The following DENND2B variants were observed in gnomAD, a reference collection of about 807,000 sequenced individuals.
DENND2B encodes the protein DENN domain-containing protein 2B.
Under a neutral mutation model 116.0 loss-of-function variants are expected in DENND2B, and 32 were observed. The ratio of observed to expected loss-of-function variants is 0.28; its 90% CI spans 0.21 to 0.37. The LOEUF (loss-of-function observed/expected upper bound fraction) is 0.37. DENND2B is among the 10% of genes least tolerant of loss of function. The pLI, the probability that DENND2B is intolerant of heterozygous loss-of-function variation, is 1.00. For synonymous variants in DENND2B, 588 were observed against 583.9 expected (o/e 1.01, Z -0.10); for missense variants, 1,276 against 1,477.7 (o/e 0.86, Z 2.24).
chr11:8,846,113 C>G (rs991691920), intron 3 of DENND2B, among the ~76,000 whole-genome samples: 1 of 152,158 alleles, frequency 6.6e-6, no homozygotes, highest in Admixed American at 6.5e-5. Context: ...GCAACACAGA[C>G]AGGGACGTGC....
intron 1 of DENND2B, chr11:8,756,940 A>G (rs1225712440): frequency 1.2e-5 from 5 of 428,518 alleles, no homozygotes; most frequent in Admixed American, 5.3e-5. Context: ...AAATTGTTCA[A>G]TTAGCATATA....
In DENND2B at chr11:8,748,132, G is replaced by A. The variant is rs368981796; in HGVS notation, c.80+2489C>T. ...TGTGGAAGTCCCCGACGTAGCCAAA[G>A]TGTCAAAGGCCCAGCTTTCCAAGGC... is the stretch of plus-strand genomic sequence containing the variant. On this transcript the variant is annotated intron_variant, in intron 2 of 19. Coordinates refer to ENST00000313726, the MANE Select transcript of DENND2B (RefSeq NM_213618.2). Among the ~76,000 whole-genome samples the A allele has an allele frequency of 1.3e-3, 203 of 152,258 alleles. 1 individual carries two copies. Among genetic ancestry groups the A allele is most frequent in the South Asian group, 9.1e-3 (44 of 4,824 alleles).
chr11:8,730,946 T>C lies in DENND2B; in HGVS notation c.344A>G (p.Lys115Arg), dbSNP rs1565763875. ...SPSACKRDAQ[K>R]ESVQGAAQDV... ...CTGGGCTGCGCCTTGGACACTTTCC[T>C]TTTGGGCGTCTCTCTTGCACGCCGA... Residue 115 changes from lysine to arginine, a missense_variant, in exon 3 of 20, where the codon AAG (lysine) becomes AGG (arginine). By Grantham distance (26) the Lys-to-Arg change is conservative (BLOSUM62 2). Transcript: ENST00000313726. This position sits in a 1 kb window ranked among gnomAD's most constrained non-coding sequence, Gnocchi z 4.1. The C allele has an allele frequency of 6.2e-7, 1 of 1,614,212 alleles. No individual in the cohort carries two copies. The highest frequency in any genetic ancestry group is 1.7e-5 in the Admixed American group (1 of 60,032).
chr11:8,843,298 G>A (rs538097585), intron 3 of DENND2B, among the ~76,000 whole-genome samples: 8 of 152,182 alleles, frequency 5.3e-5, no homozygotes, highest in East Asian at 1.9e-4. Flanking sequence ...GCGAGCCACC[G>A]TGCCCGGCCG....
intron 13 of DENND2B, among the ~76,000 whole-genome samples, chr11:8,705,692 C>T (rs2042480458): frequency 6.6e-6 from 1 of 152,240 alleles, no homozygotes; most frequent in African/African-American, 2.4e-5. Context: ...TACATGGCTC[C>T]ATCATCTACC....
chr11:8,721,181 G>T (rs1363222753), intron 4 of DENND2B, among the ~76,000 whole-genome samples: 1 of 151,594 alleles, frequency 6.6e-6, no homozygotes, highest in Non-Finnish European at 1.5e-5. Flanking sequence ...TCTAAAAGGG[G>T]ATTATCAGAG....
intron 2 of DENND2B, among the ~76,000 whole-genome samples, chr11:8,878,703 G>A (rs1273534996): frequency 1.3e-5 from 2 of 152,148 alleles, no homozygotes; most frequent in African/African-American, 4.8e-5. Context: ...TTTAAATGTG[G>A]TGTATCTATA....
intron 3 of DENND2B, among the ~76,000 whole-genome samples, chr11:8,851,824 T>C (rs891966563): frequency 2.0e-5 from 3 of 152,210 alleles, no homozygotes; most frequent in African/African-American, 7.2e-5. Context: ...CATATATATT[T>C]TGGTATATAT....
chr11:8,824,330 T>C (rs891839380), intron 4 of DENND2B, among the ~76,000 whole-genome samples: 1 of 152,154 alleles, frequency 6.6e-6, no homozygotes, highest in African/African-American at 2.4e-5. Flanking sequence ...TTAGTATTTT[T>C]CCTGATCCTC....
At chr11:8,803,899 G>A (rs1362387207) in intron 1 of DENND2B, among the ~76,000 whole-genome samples, 1 of 152,184 alleles carries the variant, frequency 6.6e-6, no homozygotes, top group South Asian at 2.1e-4. Flanking sequence ...GGGTAAGGAG[G>A]GCTGAGGCAG....
At position 8,717,876 on chromosome 11, in the gene DENND2B, C is replaced by T. The variant is rs143328275; in HGVS notation, c.1494G>A (p.Glu498=). The T allele has an allele frequency of 4.3e-6, 7 of 1,610,146 alleles. No homozygotes were observed. Among genetic ancestry groups the T allele is most frequent in the Non-Finnish European group, 5.9e-6 (7 of 1,178,242 alleles). ...YEDIVGDLPK[E]NPYEDVDLKS... is the part of the protein sequence containing the mutation. Reference sequence around the variant, plus strand: ...TTAAGTCCACATCCTCATATGGATTCTCCTTGGGCAGATCTCCTGCAGAGG... The same window carrying T: ...TTAAGTCCACATCCTCATATGGATTTTCCTTGGGCAGATCTCCTGCAGAGG... Residue 498 remains glutamate, a synonymous_variant, in exon 5 of 20, where the codon GAG becomes GAA. Coordinates refer to ENST00000313726, the MANE Select transcript of DENND2B (RefSeq NM_213618.2).
chr11:8,800,707 C>T (rs948541899), intron 1 of DENND2B, among the ~76,000 whole-genome samples: 3 of 152,158 alleles, frequency 2.0e-5, no homozygotes, highest in Non-Finnish European at 4.4e-5. Context: ...GAGATAACAA[C>T]AAAGCTCAGA....
At chr11:8,697,688 C>G in intron 16 of DENND2B, 52 bp from the exon 17 acceptor site, 19 of 1,220,322 alleles carry the variant, frequency 1.6e-5, no homozygotes, top group Non-Finnish European at 2.1e-5. Flanking sequence ...TGAGCACTTA[C>G]TATGTGCTAA....
At chr11:8,754,196 C>A (rs1228756847) in intron 1 of DENND2B, among the ~76,000 whole-genome samples, 1 of 151,976 alleles carries the variant, frequency 6.6e-6, no homozygotes, top group Non-Finnish European at 1.5e-5. Flanking sequence ...AAAATTGTAT[C>A]CAGAATATAT....
chr11:8,758,197 A>C (rs1178599434), intron 1 of DENND2B, among the ~76,000 whole-genome samples: 2 of 152,206 alleles, frequency 1.3e-5, no homozygotes, highest in Non-Finnish European at 2.9e-5. Context: ...TAGGGACTTA[A>C]TGGAGTCACG....
At chr11:8,768,242 A>AATTT (rs757897147) in intron 1 of DENND2B, among the ~76,000 whole-genome samples, 6 of 151,914 alleles carry the variant, frequency 3.9e-5, no homozygotes, top group East Asian at 1.9e-4. Flanking sequence ...AAGGATCTTT[A>AATTT]ATTTATTTAT....
intron 1 of DENND2B, among the ~76,000 whole-genome samples, chr11:8,889,441 G>A (rs1041681188): frequency 4.6e-5 from 7 of 152,218 alleles, no homozygotes; most frequent in Non-Finnish European, 7.3e-5. Context: ...AAAGCAGGGC[G>A]AGGCATCGCC....
At chr11:8,715,499 G>T in intron 6 of DENND2B, 104 bp downstream of exon 6, 1 of 1,154,916 alleles carries the variant, frequency 8.7e-7, no homozygotes, top group Non-Finnish European at 1.3e-6. Context: ...AATCGAGGAA[G>T]CAGTCCAGAT....
rs546289207 is a variant in DENND2B, at chr11:8,694,108, G to A, written c.3402C>T (p.His1134=). The A allele has an allele frequency of 6.2e-7, 1 of 1,614,144 alleles. No homozygotes were observed. The highest frequency in any genetic ancestry group is 2.2e-5 in the East Asian group (1 of 44,862). ...RGLGNKMKFL[H]KKN ...CTGAGAAGGAGGCTTAATTCTTCTTGTGGAGAAACTTCATTTTGTTGCCTG... is the reference window on the plus strand; with the variant it reads ...CTGAGAAGGAGGCTTAATTCTTCTTATGGAGAAACTTCATTTTGTTGCCTG... The change falls in exon 20 of 20, where the codon CAC becomes CAT. Residue 1134 remains histidine (H), a synonymous_variant. Transcript: ENST00000313726.
Sources: allele counts gnomAD v4.1 joint callset (sites outside exome capture counted in the v4.1 genomes callset), GRCh38; gene constraint gnomAD v4.1.1; non-coding constraint Gnocchi (gnomAD v3.1); transcripts MANE v1.5; gene names NCBI Gene and HGNC (gene_info 2026-07-23, HGNC 2026-07-21).